The following HECW1 variants were observed in gnomAD, a reference collection of about 807,000 sequenced individuals.
The protein encoded by HECW1 is HECT, C2 and WW domain containing E3 ubiquitin protein ligase 1, also known as E3 ubiquitin-protein ligase HECW1.
In HECW1, 61 loss-of-function variants were observed where a neutral mutation model predicts 182.3. The ratio of observed to expected loss-of-function variants is 0.33; its 90% confidence interval spans 0.27 to 0.41. The LOEUF is 0.41. Among genes scored for constraint, HECW1 ranks in the 10% least tolerant of loss-of-function variants. The probability of loss-of-function intolerance (pLI) is 1.00; values close to 1 mark genes in which losing one functional copy is unlikely to be tolerated. For missense variants in HECW1, 1,739 were observed against 2,108.9 expected (o/e 0.82, Z 3.44); for synonymous variants, 859 against 832.6 (o/e 1.03, Z -0.55).
chr7:43,175,017 G>T (rs148650270), intron 2 of HECW1, among the ~76,000 whole-genome samples: 114 of 151,932 alleles, frequency 7.5e-4, no homozygotes, highest in African/African-American at 2.6e-3. Context: ...GATTAGAACA[G>T]CTCGAGGTAC....
At chr7:43,308,519 C>T (rs1239680532) in intron 3 of HECW1, among the ~76,000 whole-genome samples, 1 of 151,194 alleles carries the variant, frequency 6.6e-6, no homozygotes, top group African/African-American at 2.4e-5. Flanking sequence ...CTGTTTAGGA[C>T]ATGATGGAAT....
intron 6 of HECW1, among the ~76,000 whole-genome samples, chr7:43,382,649 G>A (rs1407379339): frequency 1.3e-5 from 2 of 152,310 alleles, no homozygotes; most frequent in African/African-American, 4.8e-5. Flanking sequence ...GTATCTGTAA[G>A]ATGAATAGAC....
intron 6 of HECW1, among the ~76,000 whole-genome samples, chr7:43,366,288 A>G (rs1816648724): frequency 6.6e-6 from 1 of 152,208 alleles, no homozygotes; most frequent in Admixed American, 6.5e-5. Flanking sequence ...AAATAGGGCC[A>G]AGATTTTCCT....
chr7:43,509,141 C>A lies in HECW1; in HGVS notation c.4019+20C>A. 1 of 1,605,516 alleles carries A rather than the reference C, an allele frequency of 6.2e-7. No individual in the cohort carries two copies. The highest frequency in any genetic ancestry group is 8.5e-7 in the Non-Finnish European group (1 of 1,176,900). ...TGAGTGGTAAGCTCTATAATGTTCA[C>A]TTTCTTGTATTTGAAAGTTCTCCTC... On this transcript the variant is annotated intron_variant, in intron 24 of 29. Transcript: ENST00000395891.
At chr7:43,280,071 G>A (rs781570338) in intron 3 of HECW1, among the ~76,000 whole-genome samples, 27 of 152,140 alleles carry the variant, frequency 1.8e-4, no homozygotes, top group Non-Finnish European at 3.4e-4. Flanking sequence ...GAAAGGGAGT[G>A]GTGAGTGAAG....
At chr7:43,306,257 T>C (rs1362713589) in intron 3 of HECW1, among the ~76,000 whole-genome samples, 1 of 152,242 alleles carries the variant, frequency 6.6e-6, no homozygotes, top group Non-Finnish European at 1.5e-5. Flanking sequence ...CTCAGAACTA[T>C]TTTTGTCTTC....
chr7:43,420,171 G>A (rs971930580), intron 8 of HECW1, among the ~76,000 whole-genome samples: 7 of 152,102 alleles, frequency 4.6e-5, no homozygotes, highest in South Asian at 2.1e-4. Context: ...TCTTTATTAC[G>A]GCTAGCAGAT....
intron 29 of HECW1, among the ~76,000 whole-genome samples, chr7:43,556,468 C>T (rs529170452): frequency 1.3e-5 from 2 of 152,294 alleles, no homozygotes; most frequent in African/African-American, 4.8e-5. Context: ...AGGCGGATAG[C>T]TTGCGCCCAA....
At chr7:43,189,451 A>G (rs1562651257) in intron 2 of HECW1, among the ~76,000 whole-genome samples, 2 of 152,310 alleles carry the variant, frequency 1.3e-5, no homozygotes, top group East Asian at 3.9e-4. Flanking sequence ...TCATTAAAAT[A>G]CAAAAAGAGA....
chr7:43,258,390 C>T (rs1411831284), intron 3 of HECW1: 1 of 151,748 alleles, frequency 6.6e-6, no homozygotes, highest in African/African-American at 2.4e-5. Flanking sequence ...AAAAGAATTA[C>T]CCATTAAAAA....
chr7:43,414,572 G>A (rs1032846128), intron 8 of HECW1, among the ~76,000 whole-genome samples: 17 of 150,608 alleles, frequency 1.1e-4, no homozygotes, highest in Admixed American at 1.3e-4. Context: ...TGCCCATTCA[G>A]TATGATATTG....
chr7:43,369,503 G>T (rs1817063925), intron 6 of HECW1, among the ~76,000 whole-genome samples: 1 of 152,118 alleles, frequency 6.6e-6, no homozygotes, highest in Non-Finnish European at 1.5e-5. Flanking sequence ...GACAGTCTTG[G>T]TACTGTTAAA....
chr7:43,544,615 C>T lies in HECW1; in HGVS notation c.4248+2617C>T, dbSNP rs145263624. Among the ~76,000 whole-genome samples, 760 of 152,198 alleles carry T rather than the reference C, an allele frequency of 5.0e-3. 4 individuals carry two copies. Among genetic ancestry groups the T allele is most frequent in the African/African-American group, 0.017 (723 of 41,518 alleles). On this transcript the variant is annotated intron_variant, in intron 26 of 29. Coordinates refer to ENST00000395891, the MANE Select transcript of HECW1 (RefSeq NM_015052.5). ...AGCACACGTCTAGAAATTTGTCCTA[C>T]CGATACATTAACACCTAATTAAAAT... is the stretch of plus-strand genomic sequence containing the variant.
intron 7 of HECW1, among the ~76,000 whole-genome samples, chr7:43,398,220 G>C (rs767027317): frequency 4.6e-5 from 7 of 151,974 alleles, no homozygotes; most frequent in Non-Finnish European, 8.8e-5. Flanking sequence ...TTGCACCACT[G>C]TACTCCAACC....
chr7:43,444,370 A>G lies in HECW1; in HGVS notation c.1198A>G (p.Ser400Gly), dbSNP rs746057707. The change falls in exon 11 of 30, where the codon AGT (serine) becomes GGT (glycine). Residue 400 changes from serine to glycine, a missense_variant. Physicochemically the swap from Ser to Gly is moderately conservative, Grantham distance 56. Around this residue, in one of 5 missense-constraint regions of HECW1, gnomAD observed 971 missense variants for 1,029.1 expected, o/e 0.94. Coordinates refer to ENST00000395891, the MANE Select transcript of HECW1 (RefSeq NM_015052.5). The surrounding 1 kb of genome is among the most constrained non-coding windows in gnomAD (Gnocchi z 4.3). ...GAAGCCAGAGCAGCTGGGTGAGGGC[A>G]GTGTCCCCGATGGTCCAGGGAACCA... ...SWKPEQLGEG[S>G]VPDGPGNQSI... 1.2e-6 allele frequency: 2 copies of G among 1,614,090 alleles called. No individual in the cohort carries two copies. Among genetic ancestry groups the G allele is most frequent in the Non-Finnish European group, 1.7e-6 (2 of 1,179,994 alleles).
intron 28 of HECW1, among the ~76,000 whole-genome samples, chr7:43,553,311 G>A (rs1439460839): frequency 2.0e-5 from 3 of 152,118 alleles, no homozygotes; most frequent in African/African-American, 7.2e-5. Context: ...CATCGCCTCA[G>A]CCTCCCTCAT....
intron 2 of HECW1, among the ~76,000 whole-genome samples, chr7:43,201,478 G>C (rs959931316): frequency 6.6e-6 from 1 of 152,182 alleles, no homozygotes; most frequent in Non-Finnish European, 1.5e-5. Context: ...GGGATGCTAG[G>C]GGGCTTTTCT....
intron 2 of HECW1, among the ~76,000 whole-genome samples, chr7:43,222,661 T>G (rs530789223): frequency 3.2e-4 from 49 of 152,314 alleles, no homozygotes; most frequent in African/African-American, 1.1e-3. Flanking sequence ...CACCGGAGTT[T>G]CAAATTATTC....
chr7:43,336,144 T>TTCTC (rs768468130), intron 5 of HECW1, among the ~76,000 whole-genome samples: 32 of 51,972 alleles, frequency 6.2e-4, no homozygotes, highest in East Asian at 2.1e-3. Context: ...CTCTCTCTCT[T>TTCTC]TCTCTCTCTC....
Sources: gnomAD v4.1 joint callset for allele counts (sites outside exome capture counted in the v4.1 genomes callset) on GRCh38, gnomAD v4.1.1 for gene constraint, gnomAD v4.1.1 regional missense constraint, Gnocchi (gnomAD v3.1) non-coding constraint, MANE v1.5 for transcripts, NCBI Gene and HGNC (gene_info 2026-07-23, HGNC 2026-07-21) for gene names.